PTPRD: variants seen among roughly 807,000 people sequenced by gnomAD.
PTPRD encodes the protein receptor-type tyrosine-protein phosphatase delta.
PTPRD carries 34 observed loss-of-function variants against 214.5 expected under a neutral mutation model. That is an observed-to-expected ratio of 0.16 (90% CI 0.12 to 0.21). PTPRD has a LOEUF of 0.21. Among genes scored for constraint, PTPRD ranks in the 10% least tolerant of loss-of-function variants. PTPRD has a pLI of 1.00. For synonymous variants in PTPRD, 1,128 were observed against 845.7 expected, an observed-to-expected ratio of 1.33 and a Z score of -5.79; for missense variants, 2,545 against 2,398.7, an observed-to-expected ratio of 1.06 and a Z score of -1.27.
intron 3 of PTPRD, among the ~76,000 whole-genome samples, chr9:10,250,521 T>G (rs898206313): frequency 2.0e-5 from 3 of 152,122 alleles, no homozygotes; most frequent in Non-Finnish European, 4.4e-5. Context: ...TTTCCCAAAA[T>G]GATATTTAGC....
chr9:10,047,810 A>T (rs1311772084), intron 3 of PTPRD, among the ~76,000 whole-genome samples: 2 of 152,150 alleles, frequency 1.3e-5, no homozygotes, highest in African/African-American at 4.8e-5. Flanking sequence ...TATTTCATCT[A>T]CCAAAGACAA....
intron 21 of PTPRD, among the ~76,000 whole-genome samples, chr9:8,515,927 A>G (rs989950419): frequency 4.6e-5 from 7 of 152,172 alleles, no homozygotes; most frequent in Non-Finnish European, 7.3e-5. Flanking sequence ...TAGAAAACTG[A>G]AGTTCAGAGA....
intron 7 of PTPRD, among the ~76,000 whole-genome samples, chr9:9,588,087 G>T (rs2092295064): frequency 6.6e-6 from 1 of 151,816 alleles, no homozygotes; most frequent in African/African-American, 2.4e-5. Context: ...TTCCAAACAT[G>T]TAACAAACAT....
chr9:8,663,567 T>C (rs1377650689), intron 12 of PTPRD, among the ~76,000 whole-genome samples: 1 of 152,126 alleles, frequency 6.6e-6, no homozygotes, highest in African/African-American at 2.4e-5. Flanking sequence ...CTTGGCTCAC[T>C]GCAACCTACG....
intron 7 of PTPRD, among the ~76,000 whole-genome samples, chr9:9,589,460 A>C (rs2092477743): frequency 6.6e-6 from 1 of 152,012 alleles, no homozygotes. Context: ...CAATTAAGAC[A>C]GGTTGCTGGT....
At chr9:8,934,421 G>GTATATA (rs200706346) in intron 11 of PTPRD, among the ~76,000 whole-genome samples, 2 of 27,332 alleles carry the variant, frequency 7.3e-5, no homozygotes, top group Admixed American at 6.2e-4. Context: ...GTGTGTGTGT[G>GTATATA]TATATATATA....
chr9:9,422,776 G>A (rs912147975), intron 8 of PTPRD, among the ~76,000 whole-genome samples: 5 of 152,148 alleles, frequency 3.3e-5, no homozygotes, highest in Non-Finnish European at 5.9e-5. Context: ...GAACCCAGGA[G>A]TTAGCCCAGC....
At chr9:9,029,769 G>C (rs781773775) in intron 10 of PTPRD, among the ~76,000 whole-genome samples, 1 of 151,894 alleles carries the variant, frequency 6.6e-6, no homozygotes, top group African/African-American at 2.4e-5. Flanking sequence ...GTAAGGAACA[G>C]GTAGGTGGCT....
intron 9 of PTPRD, among the ~76,000 whole-genome samples, chr9:9,302,774 AT>A (rs1171502526): frequency 1.3e-5 from 2 of 151,168 alleles, no homozygotes; most frequent in Non-Finnish European, 3.0e-5. Flanking sequence ...GTTCCTCATT[AT>A]TTTTTTAACT....
At chr9:8,791,671 T>C (rs900462786) in intron 11 of PTPRD, among the ~76,000 whole-genome samples, 3 of 151,726 alleles carry the variant, frequency 2.0e-5, no homozygotes, top group East Asian at 3.9e-4. Flanking sequence ...TCAGAGCTAC[T>C]ATCATGAGGG....
intron 11 of PTPRD, among the ~76,000 whole-genome samples, chr9:8,854,663 C>T (rs781032156): frequency 1.1e-3 from 165 of 152,276 alleles, no homozygotes; most frequent in Non-Finnish European, 1.5e-3. Flanking sequence ...GTGAAACTGA[C>T]ACTTAAAAAT....
chr9:10,357,533 C>A (rs1480692608), intron 2 of PTPRD, among the ~76,000 whole-genome samples: 2 of 152,092 alleles, frequency 1.3e-5, no homozygotes, highest in African/African-American at 4.8e-5. Flanking sequence ...TCAGCTAATA[C>A]GTATGCAAAG....
At chr9:9,460,876 CGTT>C (rs1464774712) in intron 8 of PTPRD, among the ~76,000 whole-genome samples, 1 of 152,002 alleles carries the variant, frequency 6.6e-6, no homozygotes, top group Non-Finnish European at 1.5e-5. Context: ...TGCACTCTTA[CGTT>C]TATTGCTGCA....
In PTPRD at chr9:9,467,542, G is replaced by T. The variant is rs1352124715; in HGVS notation, c.-236-70060C>A. Among the ~76,000 whole-genome samples, 3 of 128,818 alleles carry T rather than the reference G, an allele frequency of 2.3e-5. No individual in the cohort carries two copies. The Admixed American group carries it at 2.9e-4, about 12-fold the overall frequency. 84.5% of individuals were successfully genotyped at this position (128,818 alleles called of 152,430 possible). On this transcript the variant is annotated intron_variant, in intron 8 of 45. Transcript: ENST00000381196. ...GCGGAGGCTGCAGTGAGCCGAGATT[G>T]TGCCACTGCACTCCAGCCTGGGCGA...
Position 9,352,202 on chromosome 9 carries a change from T to C in PTPRD, c.-203+45247A>G, listed in dbSNP as rs146332461. ...GAAGAGCACCTTCACTTTTTAACAATTGTATAGTACATCGTAGCATAACTA... is the reference window on the plus strand; with the variant it reads ...GAAGAGCACCTTCACTTTTTAACAACTGTATAGTACATCGTAGCATAACTA... On this transcript the variant is annotated intron_variant, in intron 9 of 45. Coordinates refer to ENST00000381196, the MANE Select transcript of PTPRD (RefSeq NM_002839.4). Among the ~76,000 whole-genome samples the C allele has an allele frequency of 6.7e-3, 1,021 of 151,880 alleles. 9 individuals carry two copies. The highest frequency in any genetic ancestry group is 8.3e-3 in the Non-Finnish European group (567 of 67,918).
At chr9:9,336,353 A>G (rs2044475984) in intron 9 of PTPRD, among the ~76,000 whole-genome samples, 1 of 152,150 alleles carries the variant, frequency 6.6e-6, no homozygotes, top group African/African-American at 2.4e-5. Context: ...CTCAGGGAAG[A>G]ATGTTGTGCT....
intron 8 of PTPRD, among the ~76,000 whole-genome samples, chr9:9,568,659 C>T (rs1563748361): frequency 1.3e-5 from 2 of 151,896 alleles, no homozygotes; most frequent in African/African-American, 2.4e-5. Flanking sequence ...GACGTTTACA[C>T]ATTTTTTTAA....
intron 9 of PTPRD, among the ~76,000 whole-genome samples, chr9:9,385,757 C>T (rs567657654): frequency 1.1e-3 from 168 of 152,236 alleles, no homozygotes; most frequent in Middle Eastern, 3.4e-3. Flanking sequence ...ATTTAGTCGA[C>T]ATAACTTTGG....
chr9:9,196,707 C>G (rs997410354), intron 9 of PTPRD, among the ~76,000 whole-genome samples: 1 of 152,136 alleles, frequency 6.6e-6, no homozygotes, highest in Admixed American at 6.5e-5. Flanking sequence ...TATTTCCTGT[C>G]TTGTAATATG....
Sources: gnomAD v4.1 joint callset for allele counts (sites outside exome capture counted in the v4.1 genomes callset) on GRCh38, gnomAD v4.1.1 for gene constraint, MANE v1.5 for transcripts, NCBI Gene and HGNC (gene_info 2026-07-23, HGNC 2026-07-21) for gene names.